ANAPC4: variants seen among roughly 807,000 people sequenced by gnomAD.
ANAPC4 encodes anaphase promoting complex subunit 4.
In ANAPC4, 63 loss-of-function variants were observed where a neutral mutation model predicts 119.8. That is an observed-to-expected ratio of 0.53 (90% confidence interval 0.43 to 0.65). The LOEUF (loss-of-function observed/expected upper bound fraction) is 0.65, where lower values mean the gene tolerates loss of function less well. Ranked by LOEUF, ANAPC4 falls within the 30% of genes least tolerant of loss-of-function variation. The pLI, the probability that ANAPC4 is intolerant of heterozygous loss-of-function variation, is 0.00. For missense variants in ANAPC4, 716 were observed against 945.1 expected (o/e 0.76, Z 3.18); for synonymous variants, 283 against 318.6 (o/e 0.89, Z 1.19).
intron 3 of ANAPC4, among the ~76,000 whole-genome samples, chr4:25,382,849 A>G (rs1186052848): frequency 1.3e-5 from 2 of 152,276 alleles, no homozygotes; most frequent in Non-Finnish European, 2.9e-5. Flanking sequence ...GTTTAGAAAC[A>G]TAAAAGAGGA....
intron 9 of ANAPC4, 134 bp from the exon 10 acceptor site, chr4:25,392,204 C>T (rs1291482894): frequency 1.6e-6 from 1 of 636,774 alleles, no homozygotes; most frequent in Non-Finnish European, 2.8e-6. Context: ...TGTGCTGTTT[C>T]CAAACCGTTC....
intron 3 of ANAPC4, among the ~76,000 whole-genome samples, chr4:25,381,399 C>G (rs1159820111): frequency 6.6e-6 from 1 of 152,136 alleles, no homozygotes; most frequent in African/African-American, 2.4e-5. Context: ...AAACCTTCAC[C>G]TCCCGGGTTC....
chr4:25,417,697 A>G lies in ANAPC4; in HGVS notation c.2157A>G (p.Ala719=), dbSNP rs556683479. The change falls in exon 28 of 29, where the codon GCA becomes GCG. Residue 719 remains alanine, a synonymous_variant. Transcript: ENST00000315368. ...GGAGATTACTGGAAAGTATGAAAGCACAGTATGTTGCTGGGAATGGTTTTC... is the reference window on the plus strand; with the variant it reads ...GGAGATTACTGGAAAGTATGAAAGCGCAGTATGTTGCTGGGAATGGTTTTC... ...KHWRLLESMK[A]QYVAGNGFRK... is the part of the protein sequence containing the mutation. The G allele has an allele frequency of 1.2e-6, 2 of 1,613,646 alleles. No individual in the cohort carries two copies. The highest frequency in any genetic ancestry group is 2.2e-5 in the South Asian group (2 of 91,042).
At chr4:25,385,236 C>G (rs920821656) in intron 4 of ANAPC4, among the ~76,000 whole-genome samples, 1 of 152,126 alleles carries the variant, frequency 6.6e-6, no homozygotes, top group African/African-American at 2.4e-5. Flanking sequence ...TATGAAAGTC[C>G]TAGGTGGTGC....
intron 16 of ANAPC4, among the ~76,000 whole-genome samples, chr4:25,400,526 C>T (rs1722909204): frequency 6.6e-6 from 1 of 152,124 alleles, no homozygotes; most frequent in Admixed American, 6.5e-5. Context: ...AGCTGTGAAG[C>T]AGCTGTCTAG....
rs575797971 is a variant in ANAPC4, at chr4:25,383,309, T to A, written c.284T>A (p.Val95Glu). 6.2e-7 allele frequency: 1 copy of A among 1,612,750 alleles called. No homozygotes were observed. The highest frequency in any genetic ancestry group is 1.3e-5 in the African/African-American group (1 of 74,904). The change falls in exon 4 of 29, where the codon GTA (valine) becomes GAA (glutamate). Residue 95 changes from valine (V) to glutamate (E), a missense_variant. Transcript: ENST00000315368. Reference sequence around the variant, plus strand: ...ACCAAGAAAATTGTTTTGTGTGATGTAGAAAAACCTGAGAGCTTACACTCT... The same window carrying A: ...ACCAAGAAAATTGTTTTGTGTGATGAAGAAAAACCTGAGAGCTTACACTCT... The part of the protein sequence containing the change: ...ADTKKIVLCD[V>E]EKPESLHSFS...
chr4:25,414,370 A>T lies in ANAPC4; in HGVS notation c.1670A>T (p.Tyr557Phe). ...SMNQAICIPLYRDTRSEDSTR... is the reference protein window; with the variant it reads ...SMNQAICIPLFRDTRSEDSTR... Reference sequence around the variant, plus strand: ...AATCAAGCAATCTGTATTCCATTGTATAGAGATACCAGAAGGTAATTCTGT... The same window carrying T: ...AATCAAGCAATCTGTATTCCATTGTTTAGAGATACCAGAAGGTAATTCTGT... The change falls in exon 23 of 29, where the codon TAT becomes TTT. Residue 557 changes from tyrosine (Y) to phenylalanine (F), a missense_variant. Tyr to Phe is a conservative substitution (Grantham distance 22). This residue lies in a region of ANAPC4 where 504 missense variants were observed against 615.8 expected (regional missense o/e 0.82). Transcript: ENST00000315368. 2 of 1,604,614 alleles carry T rather than the reference A, an allele frequency of 1.2e-6. No individual in the cohort carries two copies. Among genetic ancestry groups the T allele is most frequent in the East Asian group, 4.5e-5 (2 of 44,648 alleles).
rs149749991 is a variant in ANAPC4, at chr4:25,414,479, C to A, written c.1699C>A (p.Arg567Ser). 1.5e-5 allele frequency: 24 copies of A among 1,599,612 alleles called. No individual in the cohort carries two copies. The highest frequency in any genetic ancestry group is 2.1e-5 in the Non-Finnish European group (24 of 1,169,316). ...YRDTRSEDST[R>S]RLFKFPFLWN... The stretch of plus-strand genomic sequence containing the variant: ...CTTTTATTTTAGTGAGGATTCTACA[C>A]GTAGATTGTTCAAATTTCCTTTTCT... The change falls in exon 24 of 29, where the codon CGT becomes AGT. Residue 567 changes from arginine (R) to serine (S), a missense_variant. Coordinates refer to ENST00000315368, the MANE Select transcript of ANAPC4 (RefSeq NM_013367.3).
At chr4:25,409,660 G>T in intron 20 of ANAPC4, 38 bp from the exon 21 acceptor site, 1 of 1,456,818 alleles carries the variant, frequency 6.9e-7, no homozygotes, top group Non-Finnish European at 9.5e-7. Context: ...TCCCTTCCAG[G>T]TATGAATAAA....
intron 7 of ANAPC4, among the ~76,000 whole-genome samples, chr4:25,389,710 TTTTAA>T (rs1455147712): frequency 6.6e-6 from 1 of 152,242 alleles, no homozygotes; most frequent in African/African-American, 2.4e-5. Flanking sequence ...CATATGTTTA[TTTTAA>T]TAAGTTAAAG....
At chr4:25,417,578 C>A in intron 27 of ANAPC4, 38 bp from the exon 28 acceptor site, 1 of 1,536,224 alleles carries the variant, frequency 6.5e-7, no homozygotes, top group South Asian at 1.3e-5. Flanking sequence ...GGATAAGATC[C>A]CCTTTTCATT....
intron 22 of ANAPC4, chr4:25,413,943 G>T: frequency 3.8e-6 from 2 of 531,176 alleles, no homozygotes; most frequent in Non-Finnish European, 3.3e-6. Context: ...GTGTGTGTGT[G>T]TGTGTGTGTA....
intron 16 of ANAPC4, among the ~76,000 whole-genome samples, chr4:25,402,421 ATT>A (rs374348281): frequency 2.0e-4 from 30 of 152,354 alleles, no homozygotes; most frequent in African/African-American, 5.3e-4. Context: ...ATAACACTTA[ATT>A]TTGGGGGTAC....
intron 9 of ANAPC4, 69 bp downstream of exon 9, chr4:25,391,084 C>G: frequency 8.7e-7 from 1 of 1,156,056 alleles, no homozygotes; most frequent in Admixed American, 1.9e-5. Context: ...AGGTTTTTAT[C>G]CACATCTCAC....
chr4:25,409,572 A>T, intron 20 of ANAPC4, 126 bp from the exon 21 acceptor site: 2 of 628,198 alleles, frequency 3.2e-6, no homozygotes, highest in Non-Finnish European at 5.5e-6. Context: ...GTTAAAAATA[A>T]ACCGATTTTA....
intron 2 of ANAPC4, 131 bp downstream of exon 2, chr4:25,377,687 G>A (rs1721487349): frequency 2.9e-5 from 39 of 1,346,874 alleles, no homozygotes; most frequent in Non-Finnish European, 3.8e-5. Context: ...GACATGGCTG[G>A]CCACCTGCTA....
chr4:25,409,559 A>T, intron 20 of ANAPC4, 139 bp from the exon 21 acceptor site: 1 of 593,756 alleles, frequency 1.7e-6, no homozygotes, highest in East Asian at 2.8e-5. Context: ...AAGTTAAAAA[A>T]GTGTTAAAAA....
chr4:25,398,422 G>C (rs1429502018), intron 16 of ANAPC4, among the ~76,000 whole-genome samples: 13 of 152,126 alleles, frequency 8.5e-5, no homozygotes, highest in African/African-American at 3.1e-4. Context: ...ATTTGGGGGT[G>C]GAAGGGGCAG....
At chr4:25,387,435 C>T (rs894070378) in intron 4 of ANAPC4, among the ~76,000 whole-genome samples, 1 of 152,176 alleles carries the variant, frequency 6.6e-6, no homozygotes. Context: ...GTTTGAAATT[C>T]ACTGTAGATA....
Sources: allele counts gnomAD v4.1 joint callset (sites outside exome capture counted in the v4.1 genomes callset), GRCh38; gene constraint gnomAD v4.1.1; regional missense constraint gnomAD v4.1.1; transcripts MANE v1.5; gene names NCBI Gene and HGNC (gene_info 2026-07-23, HGNC 2026-07-21).